The following RABGAP1L variants were observed in gnomAD, a reference collection of about 807,000 sequenced individuals.
RABGAP1L encodes rab GTPase-activating protein 1-like.
RABGAP1L carries 63 observed loss-of-function variants against 137.7 expected under a neutral mutation model. That is an observed-to-expected ratio of 0.46 (90% CI 0.37 to 0.56). The LOEUF (loss-of-function observed/expected upper bound fraction) is 0.56, where lower values mean the gene tolerates loss of function less well. Among genes scored for constraint, RABGAP1L ranks in the 20% least tolerant of loss-of-function variants. The pLI is 0.00. For missense variants in RABGAP1L, 1,095 were observed against 1,244.0 expected (o/e 0.88, Z 1.80); for synonymous variants, 431 against 433.7 (o/e 0.99, Z 0.08).
intron 13 of RABGAP1L, among the ~76,000 whole-genome samples, chr1:174,416,153 T>A (rs748767228): frequency 6.6e-6 from 1 of 151,376 alleles, no homozygotes; most frequent in African/African-American, 2.4e-5. Flanking sequence ...AAAAATAGAT[T>A]GAGCTTAATA....
chr1:174,504,699 T>C (rs751735535), intron 13 of RABGAP1L, among the ~76,000 whole-genome samples: 2 of 152,192 alleles, frequency 1.3e-5, no homozygotes, highest in Non-Finnish European at 2.9e-5. Context: ...TAGAGCCTCA[T>C]TTCATACCAT....
intron 13 of RABGAP1L, chr1:174,545,198 CA>C (rs199684807): frequency 0.035 from 5,289 of 152,734 alleles, 121 homozygotes; most frequent in Middle Eastern, 0.087. Context: ...GCCCTGCCCC[CA>C]GTACTGGAGT....
Position 174,290,764 on chromosome 1 carries a change from GT to G in RABGAP1L, c.1323+11999del, listed in dbSNP as rs202217989. On this transcript the variant is annotated intron_variant, in intron 10 of 25. Transcript: ENST00000681986. ...AAATTAACTTGTTTTCTTTTTCTTG[GT>G]TTTTTTTTTTTTTGAGACTGAGTTT... Among the ~76,000 whole-genome samples, 504 of 140,548 alleles carry G rather than the reference GT, an allele frequency of 3.6e-3. 4 individuals carry two copies. Among genetic ancestry groups the G allele is most frequent in the African/African-American group, 0.011 (408 of 38,786 alleles). 92.2% of individuals were successfully genotyped at this position (140,548 alleles called of 152,430 possible). A position where few individuals can be genotyped will look rare whatever the true frequency, so the allele number is the denominator to read the frequency against.
In RABGAP1L at chr1:174,192,751, G is replaced by A. The variant is rs187873664; in HGVS notation, c.-33-26374G>A. ...TACAGTATTGCACTCCTAGCAAAAAGTGAAAGCCCCCACATGAAAATAGGA... is the reference window on the plus strand; with the variant it reads ...TACAGTATTGCACTCCTAGCAAAAAATGAAAGCCCCCACATGAAAATAGGA... On this transcript the variant is annotated intron_variant, in intron 1 of 25. Transcript: ENST00000681986. Among the ~76,000 whole-genome samples, 462 of 152,290 alleles carry A rather than the reference G, an allele frequency of 3.0e-3. 2 individuals are homozygous for A. Among genetic ancestry groups the A allele is most frequent in the Non-Finnish European group, 5.2e-3 (354 of 68,016 alleles).
chr1:174,547,055 A>G (rs1666076179), intron 13 of RABGAP1L, among the ~76,000 whole-genome samples: 1 of 149,034 alleles, frequency 6.7e-6, no homozygotes, highest in Non-Finnish European at 1.5e-5. Flanking sequence ...AAAAAAAAAA[A>G]AGATAAAGCA....
Position 174,783,692 on chromosome 1 carries a change from T to TTTC in RABGAP1L, c.2212-28125_2212-28123dup, listed in dbSNP as rs1211784512. ...GAACATCTTTGCATCTTTGATATGT[T>TTTC]TTCTTCTTCTTCTTCTTTTTTTTTT... On this transcript the variant is annotated intron_variant, in intron 18 of 25. Transcript: ENST00000681986. Among the ~76,000 whole-genome samples the TTTC allele has an allele frequency of 1.3e-3, 187 of 147,294 alleles. No individual in the cohort carries two copies. The Middle Eastern group carries it at 0.014, about 11-fold the overall frequency.
At chr1:174,847,348 T>G (rs1694179336) in intron 19 of RABGAP1L, among the ~76,000 whole-genome samples, 1 of 151,618 alleles carries the variant, frequency 6.6e-6, no homozygotes, top group Admixed American at 6.6e-5. Flanking sequence ...TTTGGCATGA[T>G]TTTGCAGCGG....
chr1:174,728,341 C>T (rs1408256352), intron 17 of RABGAP1L, among the ~76,000 whole-genome samples: 3 of 152,190 alleles, frequency 2.0e-5, no homozygotes, highest in South Asian at 2.1e-4. Flanking sequence ...TGTTCAAGCT[C>T]GGAGCCAAAT....
chr1:174,979,987 G>GT (rs1466816501), intron 23 of RABGAP1L, among the ~76,000 whole-genome samples: 2 of 152,056 alleles, frequency 1.3e-5, no homozygotes, highest in African/African-American at 4.8e-5. Context: ...AAAAAAATGT[G>GT]TTTTTTTGCT....
chr1:174,473,155 C>G (rs1171156461), intron 13 of RABGAP1L, among the ~76,000 whole-genome samples: 1 of 152,096 alleles, frequency 6.6e-6, no homozygotes, highest in Non-Finnish European at 1.5e-5. Flanking sequence ...AGCCATGGAA[C>G]ATAATTTTAG....
Position 174,770,798 on chromosome 1 carries a change from C to G in RABGAP1L, c.2211+18444C>G, listed in dbSNP as rs951668231. On this transcript the variant is annotated intron_variant, in intron 18 of 25. Coordinates refer to ENST00000681986, the MANE Select transcript of RABGAP1L (RefSeq NM_001366446.1). ...CACTATGTCCTTGATCCCATCTTTCCTGTCTCTCTTTGGAGAAGCCTGTGA... is the reference window on the plus strand; with the variant it reads ...CACTATGTCCTTGATCCCATCTTTCGTGTCTCTCTTTGGAGAAGCCTGTGA... 2.0e-5 allele frequency among the ~76,000 whole-genome samples: 3 copies of G among 152,152 alleles called. No individual in the cohort carries two copies. The East Asian group carries it at 5.8e-4, about 29-fold the overall frequency.
At chr1:174,471,237 A>G (rs1024803233) in intron 13 of RABGAP1L, among the ~76,000 whole-genome samples, 2 of 152,150 alleles carry the variant, frequency 1.3e-5, no homozygotes, top group African/African-American at 2.4e-5. Flanking sequence ...GAATGTGATT[A>G]TTGCATTGGT....
chr1:174,678,737 T>C (rs1364687388), intron 14 of RABGAP1L, among the ~76,000 whole-genome samples: 1 of 152,158 alleles, frequency 6.6e-6, no homozygotes, highest in Non-Finnish European at 1.5e-5. Context: ...AAATGGAATT[T>C]TGGGCCATGT....
chr1:174,326,530 G>C (rs1254460339), intron 11 of RABGAP1L, among the ~76,000 whole-genome samples: 2 of 152,190 alleles, frequency 1.3e-5, no homozygotes. Context: ...AGTGGAATTA[G>C]AAGGTATGAA....
At chr1:174,619,867 C>T (rs549136856) in intron 13 of RABGAP1L, among the ~76,000 whole-genome samples, 3 of 152,086 alleles carry the variant, frequency 2.0e-5, no homozygotes. Flanking sequence ...GAGTCAGGAC[C>T]CATCAGTGTG....
Position 174,988,797 on chromosome 1 carries a change from C to A in RABGAP1L, c.2962C>A (p.Gln988Lys), listed in dbSNP as rs550540444. The A allele has an allele frequency of 7.8e-6, 12 of 1,545,720 alleles. No individual in the cohort carries two copies. In the South Asian group the frequency reaches 1.4e-4, roughly 19 times the overall value. ...GAGAGAGATGGAACTGGAACTGGCA[C>A]AAACCAAACTGCAGTTGGTGGAGGC... ...QLREMELELA[Q>K]TKLQLVEAKC... The change falls in exon 25 of 26, where the codon CAA (glutamine) becomes AAA (lysine). Residue 988 changes from glutamine to lysine, a missense_variant. Gln to Lys is a moderately conservative substitution (Grantham distance 53). This residue lies in a region of RABGAP1L where 312 missense variants were observed against 435.6 expected (regional missense o/e 0.72). Coordinates refer to ENST00000681986, the MANE Select transcript of RABGAP1L (RefSeq NM_001366446.1).
chr1:174,240,254 T>C (rs1205927931), intron 4 of RABGAP1L, among the ~76,000 whole-genome samples: 1 of 151,882 alleles, frequency 6.6e-6, no homozygotes, highest in African/African-American at 2.4e-5. Flanking sequence ...TTTGTGTTTG[T>C]TTTTGTTTTT....
At chr1:174,947,709 C>T (rs971826364) in intron 19 of RABGAP1L, among the ~76,000 whole-genome samples, 3 of 152,046 alleles carry the variant, frequency 2.0e-5, no homozygotes, top group Admixed American at 6.5e-5. Flanking sequence ...TGTAAGCCAC[C>T]GCACCCAGCC....
chr1:174,856,749 A>G (rs1342467590), intron 19 of RABGAP1L, among the ~76,000 whole-genome samples: 1 of 152,016 alleles, frequency 6.6e-6, no homozygotes, highest in Non-Finnish European at 1.5e-5. Flanking sequence ...CAACATGGAG[A>G]AAACCCATCT....
Sources: allele counts gnomAD v4.1 joint callset (sites outside exome capture counted in the v4.1 genomes callset), GRCh38; gene constraint gnomAD v4.1.1; regional missense constraint gnomAD v4.1.1; transcripts MANE v1.5; gene names NCBI Gene and HGNC (gene_info 2026-07-23, HGNC 2026-07-21).